The following TANC1 variants were observed in gnomAD, a reference collection of about 807,000 sequenced individuals.
TANC1 encodes the protein protein TANC1.
TANC1 carries 77 observed loss-of-function variants against 149.7 expected under a neutral mutation model. The observed-to-expected ratio is 0.51, with a 90% CI of 0.43 to 0.62. The LOEUF (loss-of-function observed/expected upper bound fraction) is 0.62, where lower values mean the gene tolerates loss of function less well. Among genes scored for constraint, TANC1 ranks in the 20% least tolerant of loss-of-function variants. The pLI is 0.00. For missense variants in TANC1, 1,985 were observed against 2,321.8 expected (o/e 0.85, Z 2.98); for synonymous variants, 854 against 925.0 (o/e 0.92, Z 1.39).
chr2:159,196,868 C>A, intron 18 of TANC1, 75 bp downstream of exon 18: 3 of 1,394,020 alleles, frequency 2.2e-6, no homozygotes, highest in Non-Finnish European at 2.9e-6. Context: ...CACTGAAGGA[C>A]CGAAAGAAGG....
chr2:159,170,405 G>C (rs1057135773), intron 9 of TANC1, 119 bp from the exon 10 acceptor site: 1 of 907,278 alleles, frequency 1.1e-6, no homozygotes, highest in African/African-American at 1.7e-5. Context: ...AATGCTTACA[G>C]ACAGATCCTA....
intron 2 of TANC1, among the ~76,000 whole-genome samples, chr2:159,032,548 G>A (rs1000073009): frequency 6.6e-6 from 1 of 152,074 alleles, no homozygotes; most frequent in Non-Finnish European, 1.5e-5. Flanking sequence ...GGGATTGAAA[G>A]GCTGTTAAAA....
chr2:158,982,642 C>G lies in TANC1; in HGVS notation c.-126+13860C>G, dbSNP rs117590062. On this transcript the variant is annotated intron_variant, in intron 1 of 26. Transcript: ENST00000263635. ...TTAGTTTTTGAGACAGGGTTTTGCTCTGTTGCCCAGGCTGAAGTGCAGTGG... is the reference window on the plus strand; with the variant it reads ...TTAGTTTTTGAGACAGGGTTTTGCTGTGTTGCCCAGGCTGAAGTGCAGTGG... Among the ~76,000 whole-genome samples, 729 of 152,300 alleles carry G rather than the reference C, an allele frequency of 4.8e-3. 15 individuals are homozygous for G. The highest frequency in any genetic ancestry group is 0.028 in the Admixed American group (424 of 15,292).
chr2:159,228,112 G>A, intron 25 of TANC1, 147 bp downstream of exon 25: 1 of 825,262 alleles, frequency 1.2e-6, no homozygotes, highest in Non-Finnish European at 1.9e-6. Context: ...GTGGGAAACA[G>A]CTCCTATCCG....
chr2:159,229,888 A>C lies in TANC1; in HGVS notation c.4462A>C (p.Ile1488Leu). ...QPSSSVPSSY[I>L]RNLQEGLQSK... The stretch of plus-strand genomic sequence containing the variant: ...ATCCTCATCTGTCCCTTCCTCATAC[A>C]TCCGAAACCTTCAAGAAGGGTTACA... Residue 1488 changes from isoleucine to leucine, a missense_variant, in exon 27 of 27, where the codon ATC becomes CTC. This residue lies in a region of TANC1 where 920 missense variants were observed against 994.7 expected (regional missense o/e 0.92). Transcript: ENST00000263635. 1 of 1,614,058 alleles carries C rather than the reference A, an allele frequency of 6.2e-7. No individual in the cohort carries two copies. The highest frequency in any genetic ancestry group is 8.5e-7 in the Non-Finnish European group (1 of 1,180,028).
intron 8 of TANC1, among the ~76,000 whole-genome samples, chr2:159,166,272 C>G (rs1217768672): frequency 6.6e-6 from 1 of 152,130 alleles, no homozygotes; most frequent in South Asian, 2.1e-4. Context: ...GATTGCTATC[C>G]AGTTTTCCTA....
Position 159,175,134 on chromosome 2 carries a change from T to C in TANC1, c.1685T>C (p.Val562Ala), listed in dbSNP as rs1265719598. Residue 562 changes from valine (V) to alanine (A), a missense_variant, in exon 12 of 27, where the codon GTG becomes GCG. Physicochemically the swap from Val to Ala is moderately conservative, Grantham distance 64. Transcript: ENST00000263635. The part of the protein sequence containing the change: ...LSLRSCVQDP[V>A]AAFKRGVLEP... The stretch of plus-strand genomic sequence containing the variant: ...CTCCGATCCTGTGTGCAGGACCCGG[T>C]GGCAGCTTTCAAGAGGGGAGTGCTG... 1 of 1,614,110 alleles carries C rather than the reference T, an allele frequency of 6.2e-7. No individual in the cohort carries two copies. Among genetic ancestry groups the C allele is most frequent in the Non-Finnish European group, 8.5e-7 (1 of 1,180,012 alleles).
At chr2:159,143,493 G>C (rs909229701) in intron 5 of TANC1, among the ~76,000 whole-genome samples, 4 of 139,982 alleles carry the variant, frequency 2.9e-5, no homozygotes, top group Non-Finnish European at 6.0e-5. Flanking sequence ...GAGGCAGGAG[G>C]ACTGCTTGAG....
chr2:159,229,240 T>C (rs996528781), intron 26 of TANC1, among the ~76,000 whole-genome samples: 1 of 152,122 alleles, frequency 6.6e-6, no homozygotes, highest in Non-Finnish European at 1.5e-5. Flanking sequence ...AAGAGTGATA[T>C]AAGCCTGTTG....
chr2:159,196,660 G>T lies in TANC1; in HGVS notation c.3032G>T (p.Arg1011Leu). 1 of 1,613,912 alleles carries T rather than the reference G, an allele frequency of 6.2e-7. No homozygotes were observed. The highest frequency in any genetic ancestry group is 8.5e-7 in the Non-Finnish European group (1 of 1,179,854). The part of the protein sequence containing the change: ...GQCALVHSAL[R>L]GHGDILQYLL... ...TGTGCGCTTGTCCACAGTGCCCTAC[G>T]GGGCCACGGTGACATTCTCCAGTAC... Residue 1011 changes from arginine (R) to leucine (L), a missense_variant, in exon 18 of 27, where the codon CGG (arginine) becomes CTG (leucine). Around this residue, in one of 3 missense-constraint regions of TANC1, gnomAD observed 508 missense variants for 714.2 expected, o/e 0.71. Coordinates refer to ENST00000263635, the MANE Select transcript of TANC1 (RefSeq NM_033394.3).
chr2:159,146,828 A>G (rs948128370), intron 5 of TANC1, among the ~76,000 whole-genome samples: 2 of 152,042 alleles, frequency 1.3e-5, no homozygotes, highest in African/African-American at 4.8e-5. Flanking sequence ...GGCGTGAGCC[A>G]CCGCACCCGG....
chr2:159,152,671 A>T (rs1317506475), intron 7 of TANC1, among the ~76,000 whole-genome samples: 2 of 152,006 alleles, frequency 1.3e-5, no homozygotes, highest in Non-Finnish European at 2.9e-5. Context: ...AAAATTTTTT[A>T]ACATATTTCA....
At chr2:159,063,886 G>A (rs565567766) in intron 2 of TANC1, among the ~76,000 whole-genome samples, 180 of 152,224 alleles carry the variant, frequency 1.2e-3, no homozygotes, top group African/African-American at 3.7e-3. Context: ...CTGCCAACTG[G>A]TGATGACCTG....
intron 14 of TANC1, among the ~76,000 whole-genome samples, chr2:159,181,254 G>A (rs2056437485): frequency 6.6e-6 from 1 of 151,660 alleles, no homozygotes; most frequent in Non-Finnish European, 1.5e-5. Context: ...AAAACTCCTA[G>A]GAGGCAAATT....
intron 3 of TANC1, among the ~76,000 whole-genome samples, chr2:159,084,875 G>C (rs1574547895): frequency 6.6e-6 from 1 of 152,144 alleles, no homozygotes; most frequent in East Asian, 1.9e-4. Context: ...TAAGAGTTCT[G>C]ACTCCGGAGT....
chr2:159,004,148 A>T, intron 2 of TANC1: 5 of 1,612,404 alleles, frequency 3.1e-6, no homozygotes, highest in Non-Finnish European at 4.2e-6. Context: ...TTCCTGGAAT[A>T]TTAAGTCAGC....
chr2:158,990,453 G>A (rs2149271920), intron 1 of TANC1, among the ~76,000 whole-genome samples: 1 of 152,278 alleles, frequency 6.6e-6, no homozygotes. Flanking sequence ...TTCATCCTGA[G>A]GAGGTTAAGT....
At chr2:159,171,010 T>C (rs1385981613) in intron 10 of TANC1, among the ~76,000 whole-genome samples, 3 of 152,216 alleles carry the variant, frequency 2.0e-5, no homozygotes, top group Non-Finnish European at 1.5e-5. Flanking sequence ...AGGCCAGTGT[T>C]CCCTGATGTC....
At chr2:159,206,699 A>G (rs1326648972) in intron 19 of TANC1, among the ~76,000 whole-genome samples, 3 of 152,186 alleles carry the variant, frequency 2.0e-5, no homozygotes, top group Non-Finnish European at 4.4e-5. Flanking sequence ...TTCTTCTTGA[A>G]ATGATATTTG....
Sources: allele counts gnomAD v4.1 joint callset (sites outside exome capture counted in the v4.1 genomes callset), GRCh38; gene constraint gnomAD v4.1.1; regional missense constraint gnomAD v4.1.1; transcripts MANE v1.5; gene names NCBI Gene and HGNC (gene_info 2026-07-23, HGNC 2026-07-21).